SPAG16: variants seen among roughly 807,000 people sequenced by gnomAD.
The protein encoded by SPAG16 is sperm associated antigen 16, also known as sperm-associated antigen 16 protein.
In SPAG16, 86 loss-of-function variants were observed where a neutral mutation model predicts 80.4. The ratio of observed to expected loss-of-function variants is 1.07; its 90% CI spans 0.90 to 1.28. The LOEUF (loss-of-function observed/expected upper bound fraction) is 1.28, where lower values mean the gene tolerates loss of function less well. SPAG16 is among the 50% of genes most tolerant of loss of function. The pLI is 0.00. For synonymous variants in SPAG16, 294 were observed against 265.9 expected, an observed-to-expected ratio of 1.11 and a Z score of -1.03; for missense variants, 870 against 765.3, an observed-to-expected ratio of 1.14 and a Z score of -1.61.
At chr2:213,640,460 C>G (rs571628581) in intron 10 of SPAG16, among the ~76,000 whole-genome samples, 1 of 152,092 alleles carries the variant, frequency 6.6e-6, no homozygotes, top group African/African-American at 2.4e-5. Flanking sequence ...GGTGTTCTCC[C>G]CCTTTTCCTA....
At chr2:213,346,815 C>G (rs1004545977) in intron 6 of SPAG16, among the ~76,000 whole-genome samples, 4 of 143,934 alleles carry the variant, frequency 2.8e-5, no homozygotes, top group African/African-American at 1.0e-4. Flanking sequence ...CATCGATGTT[C>G]ATCAGGGATA....
intron 15 of SPAG16, among the ~76,000 whole-genome samples, chr2:214,175,850 A>G (rs1358957787): frequency 6.6e-6 from 1 of 151,378 alleles, no homozygotes; most frequent in East Asian, 1.9e-4. Context: ...TGAATCCTTC[A>G]GTAGTTAAGT....
In SPAG16 at chr2:213,740,294, T is replaced by A. The variant is rs568301688; in HGVS notation, c.1071-122191T>A. On this transcript the variant is annotated intron_variant, in intron 10 of 15. Coordinates refer to ENST00000331683, the MANE Select transcript of SPAG16 (RefSeq NM_024532.5). ...AGGTTTAAACAGATGACTCCAGGAATATAAAATCTGAGGTAGACACTTCAT... is the reference window on the plus strand; with the variant it reads ...AGGTTTAAACAGATGACTCCAGGAAAATAAAATCTGAGGTAGACACTTCAT... 7.2e-5 allele frequency among the ~76,000 whole-genome samples: 11 copies of A among 152,312 alleles called. No homozygotes were observed. In the South Asian group the frequency reaches 2.3e-3, roughly 32 times the overall value.
At chr2:213,920,578 G>T (rs1231023577) in intron 11 of SPAG16, among the ~76,000 whole-genome samples, 2 of 152,162 alleles carry the variant, frequency 1.3e-5, no homozygotes, top group Non-Finnish European at 2.9e-5. Flanking sequence ...TGCCAGTCAG[G>T]CACAGTTCAC....
At chr2:213,653,470 TTGAAGATATCATTCAAGTGAGATAATTTG>T (rs1295553090) in intron 10 of SPAG16, among the ~76,000 whole-genome samples, 1 of 152,198 alleles carries the variant, frequency 6.6e-6, no homozygotes, top group Non-Finnish European at 1.5e-5. Flanking sequence ...GTAAATACCT[TTGAAGATATCATTCAAGTGAGATAATTTG>T]TTGCAATTTT....
At chr2:214,169,786 G>A (rs1002587930) in intron 15 of SPAG16, among the ~76,000 whole-genome samples, 25 of 151,964 alleles carry the variant, frequency 1.6e-4, no homozygotes, top group African/African-American at 5.6e-4. Flanking sequence ...TCCTTAAAGC[G>A]TTTGAGCCTG....
intron 12 of SPAG16, among the ~76,000 whole-genome samples, chr2:213,978,155 G>T (rs1296228970): frequency 1.3e-5 from 2 of 151,604 alleles, no homozygotes; most frequent in East Asian, 3.9e-4. Flanking sequence ...TCCCGTCTTG[G>T]GACACTGGAA....
intron 12 of SPAG16, among the ~76,000 whole-genome samples, chr2:213,999,666 C>A (rs904857793): frequency 6.6e-6 from 1 of 152,326 alleles, no homozygotes; most frequent in Admixed American, 6.5e-5. Flanking sequence ...GGCAAAGTCA[C>A]AGACACTCGA....
At chr2:213,832,178 A>G (rs1181853154) in intron 10 of SPAG16, among the ~76,000 whole-genome samples, 4 of 151,600 alleles carry the variant, frequency 2.6e-5, no homozygotes, top group African/African-American at 7.3e-5. Flanking sequence ...TTGTATTTTT[A>G]GTAGAGATGG....
At chr2:213,398,974 T>C (rs1355156590) in intron 9 of SPAG16, among the ~76,000 whole-genome samples, 1 of 152,180 alleles carries the variant, frequency 6.6e-6, no homozygotes, top group Non-Finnish European at 1.5e-5. Context: ...TTACTACAAG[T>C]TGATCAGAAA....
At chr2:213,938,478 T>C (rs766791076) in intron 12 of SPAG16, among the ~76,000 whole-genome samples, 33 of 151,972 alleles carry the variant, frequency 2.2e-4, no homozygotes, top group Non-Finnish European at 4.0e-4. Context: ...AATTTTAGAG[T>C]GGCAAAAACT....
At chr2:214,119,029 A>G (rs1358801799) in intron 14 of SPAG16, among the ~76,000 whole-genome samples, 1 of 152,176 alleles carries the variant, frequency 6.6e-6, no homozygotes, top group East Asian at 1.9e-4. Context: ...TATGATAATT[A>G]TCCTGATTTG....
chr2:214,393,426 G>A (rs1055302002), intron 15 of SPAG16, among the ~76,000 whole-genome samples: 1 of 151,682 alleles, frequency 6.6e-6, no homozygotes, highest in Non-Finnish European at 1.5e-5. Context: ...CTAGTCCACT[G>A]GATAATAAAC....
At chr2:213,500,641 CA>C (rs1290984969) in intron 10 of SPAG16, among the ~76,000 whole-genome samples, 1 of 152,082 alleles carries the variant, frequency 6.6e-6, no homozygotes, top group African/African-American at 2.4e-5. Flanking sequence ...CCTAGAGATC[CA>C]ATTATTGACT....
At chr2:214,191,171 G>A (rs1428044105) in intron 15 of SPAG16, among the ~76,000 whole-genome samples, 1 of 152,066 alleles carries the variant, frequency 6.6e-6, no homozygotes, top group Admixed American at 6.6e-5. Context: ...AGATAGGACA[G>A]AGACCACCTA....
rs189075953 is a variant in SPAG16, at chr2:213,510,094, A to T, written c.1070+20004A>T. Among the ~76,000 whole-genome samples the T allele has an allele frequency of 7.0e-4, 107 of 152,118 alleles. 1 individual carries two copies. Among genetic ancestry groups the T allele is most frequent in the African/African-American group, 2.5e-3 (104 of 41,422 alleles). ...GAAATGGATAAATTCCTTGAGATTT[A>T]TCCTGGATAAATGATTTTTACTAGG... On this transcript the variant is annotated intron_variant, in intron 10 of 15. Transcript: ENST00000331683.
At chr2:213,384,557 G>A (rs2067328454) in intron 9 of SPAG16, among the ~76,000 whole-genome samples, 1 of 152,120 alleles carries the variant, frequency 6.6e-6, no homozygotes, top group Admixed American at 6.6e-5. Context: ...CACAATGTCT[G>A]GGTCTTTCTT....
chr2:214,212,496 T>C (rs918526225), intron 15 of SPAG16, among the ~76,000 whole-genome samples: 3 of 152,180 alleles, frequency 2.0e-5, no homozygotes, highest in African/African-American at 4.8e-5. Context: ...ATGTCCATTG[T>C]TTGACTCTTG....
intron 5 of SPAG16, among the ~76,000 whole-genome samples, chr2:213,328,271 C>CT (rs537880290): frequency 4.5e-4 from 69 of 152,038 alleles, no homozygotes; most frequent in South Asian, 1.7e-3. Context: ...TTCTGTACAA[C>CT]TTTTTTTTAA....
Sources: gnomAD v4.1 joint callset for allele counts (sites outside exome capture counted in the v4.1 genomes callset) on GRCh38, gnomAD v4.1.1 for gene constraint, MANE v1.5 for transcripts, NCBI Gene and HGNC (gene_info 2026-07-23, HGNC 2026-07-21) for gene names.